CACNA1A: variants seen among roughly 807,000 people sequenced by gnomAD.
The protein encoded by CACNA1A is calcium voltage-gated channel subunit alpha1 A, also known as voltage-dependent P/Q-type calcium channel subunit alpha-1A.
CACNA1A carries 57 observed loss-of-function variants against 262.4 expected under a neutral mutation model. The ratio of observed to expected loss-of-function variants is 0.22; its 90% confidence interval spans 0.18 to 0.27. The LOEUF (loss-of-function observed/expected upper bound fraction) is 0.27. Ranked by LOEUF, CACNA1A falls within the 10% of genes least tolerant of loss-of-function variation. The pLI is 1.00. For missense variants in CACNA1A, 2,526 were observed against 3,562.8 expected (o/e 0.71, Z 7.41); for synonymous variants, 1,431 against 1,419.3 (o/e 1.01, Z -0.18).
intron 6 of CACNA1A, among the ~76,000 whole-genome samples, chr19:13,345,943 T>A (rs6511858): frequency 0.69 from 96,819 of 140,120 alleles, 33,567 homozygotes; most frequent in East Asian, 0.86. Flanking sequence ...CTCTGTCACC[T>A]AGGCTGGAGT....
chr19:13,393,477 T>C (rs2059745144), intron 3 of CACNA1A, among the ~76,000 whole-genome samples: 1 of 151,674 alleles, frequency 6.6e-6, no homozygotes, highest in Non-Finnish European at 1.5e-5. Context: ...TTTCTAAACG[T>C]TGGTGCTGTT....
intron 9 of CACNA1A, among the ~76,000 whole-genome samples, chr19:13,332,344 G>T (rs1217483013): frequency 6.6e-6 from 1 of 152,014 alleles, no homozygotes; most frequent in Non-Finnish European, 1.5e-5. Context: ...AGGTTGCAGT[G>T]AGGTGAGATC....
At chr19:13,441,621 G>A (rs182805426) in intron 3 of CACNA1A, among the ~76,000 whole-genome samples, 3 of 147,354 alleles carry the variant, frequency 2.0e-5, no homozygotes, top group South Asian at 4.3e-4. Context: ...CCAAGATCGC[G>A]CCACTGCACT....
chr19:13,442,534 G>A lies in CACNA1A; in HGVS notation c.539+10342C>T, dbSNP rs374688205. Reference sequence around the variant, plus strand: ...GTAAATAAGGCATGGAGAATTTGTAGCATCTATCACATGCTCCCCCACAAG... The same window carrying A: ...GTAAATAAGGCATGGAGAATTTGTAACATCTATCACATGCTCCCCCACAAG... On this transcript the variant is annotated intron_variant, in intron 3 of 46. Transcript: ENST00000360228. 8.3e-4 allele frequency among the ~76,000 whole-genome samples: 126 copies of A among 152,350 alleles called. 1 individual carries two copies. Among genetic ancestry groups the A allele is most frequent in the African/African-American group, 3.0e-3 (125 of 41,578 alleles).
chr19:13,207,255 G>T lies in CACNA1A; in HGVS notation c.*58C>A. 3 of 1,463,918 alleles carry T rather than the reference G, an allele frequency of 2.0e-6. No individual in the cohort carries two copies. Among genetic ancestry groups the T allele is most frequent in the Non-Finnish European group, 2.7e-6 (3 of 1,112,328 alleles). The allele number at this position is 1,463,918 out of a possible 1,614,324, so 90.7% of individuals were successfully genotyped here. ...CCCCGCGGCCTCTGCGCGGCTCCTCGGGTGGGGTGTGTGCGTGGGGTGCGT... is the reference window on the plus strand; with the variant it reads ...CCCCGCGGCCTCTGCGCGGCTCCTCTGGTGGGGTGTGTGCGTGGGGTGCGT... On this transcript the variant is annotated 3_prime_UTR_variant, in exon 47 of 47. Coordinates refer to ENST00000360228, the MANE Select transcript of CACNA1A (RefSeq NM_001127222.2). This position sits in a 1 kb window ranked among gnomAD's most constrained non-coding sequence, Gnocchi z 5.7.
intron 1 of CACNA1A, among the ~76,000 whole-genome samples, chr19:13,457,943 CATAAA>C (rs1341591584): frequency 2.6e-5 from 4 of 151,146 alleles, no homozygotes; most frequent in Non-Finnish European, 4.4e-5. Context: ...AAGAAGCAGA[CATAAA>C]ATACCCCATA....
chr19:13,228,492 G>T (rs1056876812), intron 36 of CACNA1A: 1 of 190,380 alleles, frequency 5.3e-6, no homozygotes, highest in Non-Finnish European at 1.0e-5. Flanking sequence ...AGGGAAGGAG[G>T]AAATATGTTC....
At chr19:13,221,051 C>T (rs1346837959) in intron 38 of CACNA1A, among the ~76,000 whole-genome samples, 1 of 150,444 alleles carries the variant, frequency 6.6e-6, no homozygotes, top group Non-Finnish European at 1.5e-5. Context: ...GGCTCTTCCT[C>T]CCTTCTTTCC....
chr19:13,462,789 T>G (rs1465860077), intron 1 of CACNA1A, among the ~76,000 whole-genome samples: 1 of 152,180 alleles, frequency 6.6e-6, no homozygotes, highest in Non-Finnish European at 1.5e-5. Flanking sequence ...AGTTAGGGTC[T>G]TGCTCTGTTG....
intron 3 of CACNA1A, among the ~76,000 whole-genome samples, chr19:13,404,422 G>A (rs1322747802): frequency 6.6e-6 from 1 of 152,104 alleles, no homozygotes; most frequent in African/African-American, 2.4e-5. Context: ...TTAAGGACAA[G>A]CCTCTCAGTG....
chr19:13,251,896 C>T (rs1356173455), intron 30 of CACNA1A, among the ~76,000 whole-genome samples: 1 of 152,018 alleles, frequency 6.6e-6, no homozygotes, highest in Non-Finnish European at 1.5e-5. Flanking sequence ...TCCTGAGTAG[C>T]TGGGATCATG....
chr19:13,428,659 G>A (rs953580698), intron 3 of CACNA1A, among the ~76,000 whole-genome samples: 8 of 151,978 alleles, frequency 5.3e-5, no homozygotes, highest in Non-Finnish European at 5.9e-5. Flanking sequence ...GAGTGGCCCC[G>A]CAGCCTGTGA....
At chr19:13,379,354 G>A (rs2059473910) in intron 3 of CACNA1A, among the ~76,000 whole-genome samples, 1 of 151,988 alleles carries the variant, frequency 6.6e-6, no homozygotes, top group Non-Finnish European at 1.5e-5. Context: ...TATAGTGTAA[G>A]CATAACTTTT....
intron 26 of CACNA1A, 166 bp downstream of exon 26, chr19:13,261,283 TA>T: frequency 3.3e-6 from 2 of 602,296 alleles, no homozygotes; most frequent in Non-Finnish European, 5.7e-6. Flanking sequence ...ACTCAAATTC[TA>T]AAACCGGTTT....
chr19:13,248,530 C>T (rs2056311738), intron 30 of CACNA1A, among the ~76,000 whole-genome samples: 1 of 150,866 alleles, frequency 6.6e-6, no homozygotes, highest in Admixed American at 6.6e-5. Context: ...ACTTCACCAG[C>T]AGAAGATCAA....
intron 3 of CACNA1A, chr19:13,452,146 T>C (rs1042232769): frequency 3.3e-5 from 5 of 152,160 alleles, no homozygotes; most frequent in African/African-American, 9.7e-5. Flanking sequence ...AATTTTGAAT[T>C]TTCTATGAGT....
rs369269870 is a variant in CACNA1A at position 13,261,619 on chromosome 19, T to C, written c.4090-9A>G. The stretch of plus-strand genomic sequence containing the variant: ...ACACAGTCAAACACAGCCTGTGGGG[T>C]GGAGTTGACAGAGAGCATGAGGGGC... On this transcript the variant is annotated splice_polypyrimidine_tract_variant and intron_variant, in intron 25 of 46. Transcript: ENST00000360228. 1.2e-6 allele frequency: 2 copies of C among 1,605,986 alleles called. No homozygotes were observed. Among genetic ancestry groups the C allele is most frequent in the Non-Finnish European group, 1.7e-6 (2 of 1,176,392 alleles).
At chr19:13,320,274 G>A (rs910371417) in intron 10 of CACNA1A, among the ~76,000 whole-genome samples, 4 of 148,570 alleles carry the variant, frequency 2.7e-5, no homozygotes, top group African/African-American at 1.0e-4. Context: ...GAGAGAGAGA[G>A]AAACCACAGC....
intron 24 of CACNA1A, among the ~76,000 whole-genome samples, chr19:13,265,015 C>T (rs2056829099): frequency 6.6e-6 from 1 of 152,064 alleles, no homozygotes; most frequent in South Asian, 2.1e-4. Context: ...GCTGGGACTA[C>T]AGGCATGAGT....
Sources: allele counts gnomAD v4.1 joint callset (sites outside exome capture counted in the v4.1 genomes callset), GRCh38; gene constraint gnomAD v4.1.1; non-coding constraint Gnocchi (gnomAD v3.1); transcripts MANE v1.5; gene names NCBI Gene and HGNC (gene_info 2026-07-23, HGNC 2026-07-21).